DCLRE1A: variants seen among roughly 807,000 people sequenced by gnomAD.
DCLRE1A encodes DNA cross-link repair 1A protein.
Under a neutral mutation model 91.9 loss-of-function variants are expected in DCLRE1A, and 64 were observed. The ratio of observed to expected loss-of-function variants is 0.70; its 90% CI spans 0.57 to 0.86. DCLRE1A has a LOEUF of 0.86. DCLRE1A is among the 40% of genes least tolerant of loss of function. DCLRE1A has a pLI of 0.00. For synonymous variants in DCLRE1A, 416 were observed against 431.1 expected (o/e 0.96, Z 0.43); for missense variants, 1,145 against 1,213.3 (o/e 0.94, Z 0.84).
Position 113,847,238 on chromosome 10 carries a change from C to T in DCLRE1A, c.2223G>A (p.Leu741=). ...AAACTGGAAATGTGAAGTGTTTAGA[C>T]AATCCAGCATAATGATCAGAATGAA... is the stretch of plus-strand genomic sequence containing the variant. The part of the protein sequence containing the change: ...THFHSDHYAG[L]SKHFTFPVYC... The change falls in exon 3 of 9, where the codon TTG becomes TTA. Residue 741 remains leucine (L), a synonymous_variant. Coordinates refer to ENST00000361384, the MANE Select transcript of DCLRE1A (RefSeq NM_014881.5). 1 of 1,613,348 alleles carries T rather than the reference C, an allele frequency of 6.2e-7. No homozygotes were observed. The highest frequency in any genetic ancestry group is 8.5e-7 in the Non-Finnish European group (1 of 1,179,540).
intron 8 of DCLRE1A, 34 bp downstream of exon 8, chr10:113,837,028 A>G (rs1411578030): frequency 5.9e-6 from 9 of 1,523,040 alleles, no homozygotes; most frequent in Non-Finnish European, 8.0e-6. Flanking sequence ...TAAACATTAT[A>G]AACACTAAAA....
rs548105141 is a variant in DCLRE1A, at chr10:113,841,167, T to C, written c.2820+239A>G. On this transcript the variant is annotated intron_variant, in intron 7 of 8. Coordinates refer to ENST00000361384, the MANE Select transcript of DCLRE1A (RefSeq NM_014881.5). Reference sequence around the variant, plus strand: ...ATAGCTGCATACCTTTCCATTTTTGTTCCTTCCTATATATTAGTTCTCTAG... The same window carrying C: ...ATAGCTGCATACCTTTCCATTTTTGCTCCTTCCTATATATTAGTTCTCTAG... Among the ~76,000 whole-genome samples, 12 of 152,324 alleles carry C rather than the reference T, an allele frequency of 7.9e-5. No homozygotes were observed. The South Asian group carries it at 1.9e-3, about 24-fold the overall frequency.
chr10:113,836,858 C>A (rs1004141758), intron 8 of DCLRE1A, among the ~76,000 whole-genome samples: 1 of 152,156 alleles, frequency 6.6e-6, no homozygotes, highest in Non-Finnish European at 1.5e-5. Context: ...GATCTGTATT[C>A]ATTAATGTCT....
At chr10:113,840,234 C>T (rs750915306) in intron 7 of DCLRE1A, among the ~76,000 whole-genome samples, 7 of 149,982 alleles carry the variant, frequency 4.7e-5, no homozygotes, top group Non-Finnish European at 7.4e-5. Context: ...GCAGAGGTTG[C>T]AGTGAGCCAA....
Position 113,850,434 on chromosome 10 carries a change from AC to A in DCLRE1A, c.670del (p.Val224PhefsTer7), listed in dbSNP as rs1326728025. 6.2e-7 allele frequency: 1 copy of A among 1,614,180 alleles called. No homozygotes were observed. The highest frequency in any genetic ancestry group is 8.5e-7 in the Non-Finnish European group (1 of 1,180,036). ...SSYQNQTDNS[V>X]SNDPLLMTQY... ...TGTCATCAATAAGGGATCATTTGAA[AC>A]CGAGTTATCAGTTTGGTTCTGATAC... On this transcript the variant is annotated frameshift_variant, in exon 2 of 9. Coordinates refer to ENST00000361384, the MANE Select transcript of DCLRE1A (RefSeq NM_014881.5). LOFTEE classifies it high-confidence loss of function.
At chr10:113,847,844 A>T (rs926591168) in intron 2 of DCLRE1A, among the ~76,000 whole-genome samples, 1 of 152,186 alleles carries the variant, frequency 6.6e-6, no homozygotes, top group African/African-American at 2.4e-5. Flanking sequence ...AGAAAAAAAA[A>T]TGCCTAAAAA....
At position 113,849,927 on chromosome 10, in the gene DCLRE1A, T is replaced by G. The variant is rs1845613784; in HGVS notation, c.1178A>C (p.Glu393Ala). Residue 393 changes from glutamate (E) to alanine (A), a missense_variant, in exon 2 of 9, where the codon GAG becomes GCG. Physicochemically the swap from Glu to Ala is moderately radical, Grantham distance 107. Coordinates refer to ENST00000361384, the MANE Select transcript of DCLRE1A (RefSeq NM_014881.5). ...DLSQPISQNN[E>A]STLPYDLACT... ...TGCCAGATCATAAGGCAAAGTACTC[T>G]CATTATTTTGAGAAATAGGTTGAGA... The G allele has an allele frequency of 6.2e-7, 1 of 1,613,908 alleles. No individual in the cohort carries two copies. The highest frequency in any genetic ancestry group is 1.3e-5 in the African/African-American group (1 of 74,930).
chr10:113,842,413 A>G lies in DCLRE1A; in HGVS notation c.2595T>C (p.Ala865=), dbSNP rs1408336115. 6.2e-6 allele frequency: 10 copies of G among 1,613,968 alleles called. No individual in the cohort carries two copies. In the South Asian group the frequency reaches 6.6e-5, roughly 11 times the overall value. The stretch of plus-strand genomic sequence containing the variant: ...CAAGAGCATGTGGGTTTAGAGTTAC[A>G]GCCTCAAAGGCAGTGTTGATGGCAA... ...IRFAINTAFE[A]VTLNPHALVV... The change falls in exon 6 of 9, where the codon GCT becomes GCC. Residue 865 remains alanine, a synonymous_variant. Transcript: ENST00000361384.
At chr10:113,847,472 A>G (rs1845558449) in intron 2 of DCLRE1A, 137 bp from the exon 3 acceptor site, 1 of 1,002,884 alleles carries the variant, frequency 1.0e-6, no homozygotes, top group Non-Finnish European at 1.3e-6. Context: ...TATCACATAA[A>G]TTTAACAAAA....
chr10:113,854,174 G>A (rs1845709647), upstream of DCLRE1A: 1 of 152,366 alleles, frequency 6.6e-6, no homozygotes, highest in African/African-American at 2.4e-5. Flanking sequence ...GCACCCCAAG[G>A]GAGCCGCTCC....
intron 7 of DCLRE1A, among the ~76,000 whole-genome samples, chr10:113,837,727 C>A (rs927603091): frequency 6.6e-6 from 1 of 152,134 alleles, no homozygotes; most frequent in Non-Finnish European, 1.5e-5. Flanking sequence ...TAAACATGAA[C>A]TAGATTTATT....
At chr10:113,841,843 G>A (rs1845450823) in intron 6 of DCLRE1A, among the ~76,000 whole-genome samples, 1 of 152,156 alleles carries the variant, frequency 6.6e-6, no homozygotes, top group South Asian at 2.1e-4. Context: ...AACTAAATTT[G>A]AAGAAATTAA....
Position 113,844,109 on chromosome 10 carries a change from A to G in DCLRE1A, c.2514T>C (p.Asp838=), listed in dbSNP as rs746684510. The change falls in exon 5 of 9, where the codon GAT becomes GAC. Residue 838 remains aspartate (D), a synonymous_variant. Coordinates refer to ENST00000361384, the MANE Select transcript of DCLRE1A (RefSeq NM_014881.5). ...ADQKVHMLYL[D]TTYCSPEYTF... is the part of the protein sequence containing the mutation. ...ACAAAAAAAGCCTCTCTTACGTGGT[A>G]TCTAAGTACAGCATATGGACTTTCT... 6.2e-7 allele frequency: 1 copy of G among 1,614,168 alleles called. No homozygotes were observed. The highest frequency in any genetic ancestry group is 8.5e-7 in the Non-Finnish European group (1 of 1,179,996).
chr10:113,840,381 T>C (rs1191248337), intron 7 of DCLRE1A, among the ~76,000 whole-genome samples: 3 of 152,062 alleles, frequency 2.0e-5, no homozygotes, highest in Non-Finnish European at 4.4e-5. Flanking sequence ...TGTAAATATA[T>C]GCTGTCTACA....
rs772814533 is a variant in DCLRE1A at position 113,852,768 on chromosome 10, A to T, written c.415T>A (p.Trp139Arg). ...GAATCCAAACATTCAAAAACATGCC[A>T]TCGAGGTGTCTGCCCTATCAATGAG... ...FSSLIGQTPR[W>R]HVFECLDSPP... Residue 139 changes from tryptophan (W) to arginine (R), a missense_variant, in exon 1 of 9, where the codon TGG becomes AGG. Trp to Arg is a moderately radical substitution (Grantham distance 101). Coordinates refer to ENST00000361384, the MANE Select transcript of DCLRE1A (RefSeq NM_014881.5). The T allele has an allele frequency of 1.9e-5, 31 of 1,614,110 alleles. No individual in the cohort carries two copies. The South Asian group carries it at 3.3e-4, about 17-fold the overall frequency.
At position 113,847,033 on chromosome 10, in the gene DCLRE1A, AACTTG is replaced by A. The variant is rs1845549166; in HGVS notation, c.2259+164_2259+168del. On this transcript the variant is annotated intron_variant, in intron 3 of 8. Coordinates refer to ENST00000361384, the MANE Select transcript of DCLRE1A (RefSeq NM_014881.5). Reference sequence around the variant, plus strand: ...AAGACAGATGTTTTCTAAAAACTGAAACTTGACATCAACTCGTTTTAAGTTTAGGA... The same window carrying A: ...AAGACAGATGTTTTCTAAAAACTGAAACATCAACTCGTTTTAAGTTTAGGA... Among the ~76,000 whole-genome samples, 7 of 152,332 alleles carry A rather than the reference AACTTG, an allele frequency of 4.6e-5. No homozygotes were observed. The South Asian group carries it at 1.4e-3, about 32-fold the overall frequency.
rs1253165425 is a variant in DCLRE1A, at chr10:113,849,771, T to C, written c.1334A>G (p.Gln445Arg). ...FHSAQSNKQKQVIEESSVYNQ... is the reference protein window; with the variant it reads ...FHSAQSNKQKRVIEESSVYNQ... ...GTAAACAGATGATTCTTCAATTACC[T>C]GTTTCTGTTTATTTGATTGAGCTGA... is the stretch of plus-strand genomic sequence containing the variant. The change falls in exon 2 of 9, where the codon CAG (glutamine) becomes CGG (arginine). Residue 445 changes from glutamine (Q) to arginine (R), a missense_variant. Physicochemically the swap from Gln to Arg is conservative, Grantham distance 43. Coordinates refer to ENST00000361384, the MANE Select transcript of DCLRE1A (RefSeq NM_014881.5). 6.2e-7 allele frequency: 1 copy of C among 1,614,216 alleles called. No homozygotes were observed. The highest frequency in any genetic ancestry group is 1.1e-5 in the South Asian group (1 of 91,088).
chr10:113,852,613 T>C (rs188154794), intron 1 of DCLRE1A, 110 bp downstream of exon 1: 1 of 1,062,894 alleles, frequency 9.4e-7, no homozygotes, highest in Non-Finnish European at 1.3e-6. Flanking sequence ...CAGTGTCTCA[T>C]CTCTCTTTTA....
chr10:113,835,205 T>C lies in DCLRE1A; in HGVS notation c.3070A>G (p.Arg1024Gly). Reference protein sequence around the residue: ...PTVNVGTWKSRSTMEKYFREW... With the variant: ...PTVNVGTWKSGSTMEKYFREW... ...CTAAAATATTTCTCCATTGTGCTCC[T>C]AGATTTCCAGGTGCCCACATTTACA... Residue 1024 changes from arginine (R) to glycine (G), a missense_variant, in exon 9 of 9, where the codon AGG becomes GGG. Arg to Gly is a moderately radical substitution (Grantham distance 125). Coordinates refer to ENST00000361384, the MANE Select transcript of DCLRE1A (RefSeq NM_014881.5). The C allele has an allele frequency of 6.2e-7, 1 of 1,614,178 alleles. No homozygotes were observed. Among genetic ancestry groups the C allele is most frequent in the African/African-American group, 1.3e-5 (1 of 75,068 alleles).
Sources: gnomAD v4.1 joint callset for allele counts (sites outside exome capture counted in the v4.1 genomes callset) on GRCh38, gnomAD v4.1.1 for gene constraint, MANE v1.5 for transcripts, NCBI Gene and HGNC (gene_info 2026-07-23, HGNC 2026-07-21) for gene names.